The following C12orf75 variants were observed in gnomAD, a reference collection of about 807,000 sequenced individuals.
The protein encoded by C12orf75 is chromosome 12 open reading frame 75.
Under a neutral mutation model 11.4 loss-of-function variants are expected in C12orf75, and 4 were observed. The observed-to-expected ratio is 0.35, with a 90% CI of 0.17 to 0.80. The LOEUF is 0.80. Ranked by LOEUF, C12orf75 falls within the 30% of genes least tolerant of loss-of-function variation. C12orf75 has a pLI of 0.52. For missense variants in C12orf75, 89 were observed against 80.4 expected (o/e 1.11, Z -0.41); for synonymous variants, 30 against 30.0 (o/e 1.00, Z 0.00).
intron 2 of C12orf75, 25 bp from the exon 3 acceptor site, chr12:105,365,782 A>G: frequency 2.0e-6 from 3 of 1,532,024 alleles, no homozygotes; most frequent in Non-Finnish European, 2.7e-6. Context: ...CAAGTGTCTC[A>G]TAGCAAATGT....
At chr12:105,364,797 C>T (rs1422316128) in intron 2 of C12orf75, among the ~76,000 whole-genome samples, 2 of 147,486 alleles carry the variant, frequency 1.4e-5, no homozygotes, top group African/African-American at 5.0e-5. Flanking sequence ...TCCTGATTCT[C>T]TTAGAAATAC....
At chr12:105,345,743 C>A (rs547439280) in intron 1 of C12orf75, among the ~76,000 whole-genome samples, 1 of 130,132 alleles carries the variant, frequency 7.7e-6, no homozygotes, top group African/African-American at 2.9e-5. Context: ...CTCAATGCAA[C>A]CTTTGCCTCC....
intron 5 of C12orf75, among the ~76,000 whole-genome samples, chr12:105,369,706 G>T (rs879570401): frequency 9.2e-5 from 14 of 152,068 alleles, no homozygotes; most frequent in South Asian, 8.3e-4. Context: ...GAGAACATGC[G>T]ATGTTTAGCT....
chr12:105,347,729 T>C (rs1305221170), intron 1 of C12orf75, among the ~76,000 whole-genome samples: 2 of 152,196 alleles, frequency 1.3e-5, no homozygotes, highest in Non-Finnish European at 2.9e-5. Flanking sequence ...GGAATAATAC[T>C]TTGCATTCTT....
At chr12:105,350,148 C>T (rs1892692689) in intron 2 of C12orf75, among the ~76,000 whole-genome samples, 1 of 152,114 alleles carries the variant, frequency 6.6e-6, no homozygotes, top group African/African-American at 2.4e-5. Flanking sequence ...TTCAGTCTCT[C>T]CCTTCAATTT....
At chr12:105,331,150 G>C (rs1892417203) in intron 1 of C12orf75, among the ~76,000 whole-genome samples, 1 of 151,970 alleles carries the variant, frequency 6.6e-6, no homozygotes, top group Non-Finnish European at 1.5e-5. Flanking sequence ...CCTGCGGGGC[G>C]TCTCTGCCGA....
At chr12:105,370,538 GAAA>G in intron 5 of C12orf75, 93 bp from the exon 6 acceptor site, 27 of 410,126 alleles carry the variant, frequency 6.6e-5, no homozygotes, top group South Asian at 4.6e-4. Context: ...TTACTTAAAA[GAAA>G]GTAAATAACT....
intron 1 of C12orf75, among the ~76,000 whole-genome samples, chr12:105,334,199 C>T (rs1013311681): frequency 5.9e-5 from 9 of 152,224 alleles, no homozygotes; most frequent in Admixed American, 2.0e-4. Context: ...GCTTACACAT[C>T]GTCCACCCCT....
chr12:105,332,489 T>C (rs1339768087), intron 1 of C12orf75, among the ~76,000 whole-genome samples: 2 of 152,116 alleles, frequency 1.3e-5, no homozygotes, highest in Non-Finnish European at 2.9e-5. Context: ...CCCAGCACTT[T>C]GGGAGGCTGG....
intron 1 of C12orf75, among the ~76,000 whole-genome samples, chr12:105,333,116 C>T (rs940657765): frequency 1.3e-5 from 2 of 151,910 alleles, no homozygotes; most frequent in African/African-American, 2.4e-5. Flanking sequence ...ACATGATGAG[C>T]AGGGAGTTAT....
chr12:105,363,246 C>T (rs1406696094), intron 2 of C12orf75, among the ~76,000 whole-genome samples: 3 of 152,236 alleles, frequency 2.0e-5, no homozygotes, highest in Non-Finnish European at 2.9e-5. Flanking sequence ...GATGCACGTG[C>T]AGTGTCCTGC....
intron 2 of C12orf75, among the ~76,000 whole-genome samples, chr12:105,360,901 G>A (rs1481743007): frequency 6.6e-6 from 1 of 151,958 alleles, no homozygotes; most frequent in East Asian, 1.9e-4. Flanking sequence ...TCAGCCTCCC[G>A]AGTAGCTGAA....
chr12:105,360,157 T>C (rs775412451), intron 2 of C12orf75, among the ~76,000 whole-genome samples: 39 of 152,234 alleles, frequency 2.6e-4, no homozygotes, highest in Non-Finnish European at 4.7e-4. Flanking sequence ...TTCTGGGCCC[T>C]ATCACTGGCT....
chr12:105,346,602 T>C (rs1247913532), intron 1 of C12orf75, among the ~76,000 whole-genome samples: 1 of 152,214 alleles, frequency 6.6e-6, no homozygotes, highest in African/African-American at 2.4e-5. Context: ...TTAACAGTAA[T>C]GGTGGCACAG....
chr12:105,341,789 T>C (rs1000733976), intron 1 of C12orf75, among the ~76,000 whole-genome samples: 2 of 152,192 alleles, frequency 1.3e-5, no homozygotes, highest in African/African-American at 4.8e-5. Flanking sequence ...CACCTTGAAT[T>C]GTAGTAATCC....
intron 1 of C12orf75, among the ~76,000 whole-genome samples, chr12:105,342,527 A>G (rs1360538404): frequency 1.3e-5 from 2 of 152,248 alleles, no homozygotes; most frequent in Non-Finnish European, 2.9e-5. Context: ...CTATAACAGC[A>G]ACACAAAAAG....
At chr12:105,359,044 G>T (rs1892823375) in intron 2 of C12orf75, among the ~76,000 whole-genome samples, 1 of 152,138 alleles carries the variant, frequency 6.6e-6, no homozygotes, top group Non-Finnish European at 1.5e-5. Flanking sequence ...GATTTGTCTT[G>T]ATGTGCCACG....
intron 5 of C12orf75, 110 bp from the exon 6 acceptor site, chr12:105,370,524 T>C (rs1209240251): frequency 2.2e-6 from 1 of 449,888 alleles, no homozygotes; most frequent in Non-Finnish European, 4.5e-6. Flanking sequence ...ATTAAATAGG[T>C]GTTTTACTTA....
At chr12:105,364,837 C>CTTTTTT (rs71440583) in intron 2 of C12orf75, among the ~76,000 whole-genome samples, 3 of 125,698 alleles carry the variant, frequency 2.4e-5, no homozygotes, top group Non-Finnish European at 3.3e-5. Context: ...ATATGGACTC[C>CTTTTTT]TTTTTTTTTT....
Sources: allele counts gnomAD v4.1 joint callset (sites outside exome capture counted in the v4.1 genomes callset), GRCh38; gene constraint gnomAD v4.1.1; transcripts MANE v1.5; gene names NCBI Gene and HGNC (gene_info 2026-07-23, HGNC 2026-07-21).